CRPPA: variants seen among roughly 807,000 people sequenced by gnomAD.
CRPPA encodes the protein D-ribitol-5-phosphate cytidylyltransferase.
A neutral mutation model predicts 52.0 loss-of-function variants in CRPPA; 43 were observed. The observed-to-expected ratio is 0.83, with a 90% confidence interval of 0.65 to 1.07. CRPPA has a LOEUF of 1.07. CRPPA is among the 50% of genes least tolerant of loss of function. The pLI is 0.00. For synonymous variants in CRPPA, 250 were observed against 203.5 expected (o/e 1.23, Z -1.94); for missense variants, 629 against 551.7 (o/e 1.14, Z -1.40).
chr7:16,125,565 C>T (rs963889565), intron 9 of CRPPA, among the ~76,000 whole-genome samples: 7 of 152,048 alleles, frequency 4.6e-5, no homozygotes, highest in South Asian at 2.1e-4. Flanking sequence ...ATAGCCAAGA[C>T]ATGGTATACT....
At chr7:16,231,745 G>C (rs1176499118) in intron 8 of CRPPA, among the ~76,000 whole-genome samples, 3 of 152,122 alleles carry the variant, frequency 2.0e-5, no homozygotes, top group Non-Finnish European at 2.9e-5. Flanking sequence ...TCTACCCAAG[G>C]GGGGAGTACT....
chr7:16,126,015 A>T (rs1168791825), intron 9 of CRPPA, among the ~76,000 whole-genome samples: 1 of 152,104 alleles, frequency 6.6e-6, no homozygotes. Context: ...GAGAAATAGA[A>T]AAAAATAAAA....
chr7:16,152,460 G>C (rs903251732), intron 9 of CRPPA, among the ~76,000 whole-genome samples: 1 of 151,910 alleles, frequency 6.6e-6, no homozygotes. Context: ...ACTTCTGTTG[G>C]ACGAATACTT....
chr7:16,419,534 T>C (rs1788277739), intron 1 of CRPPA, among the ~76,000 whole-genome samples: 1 of 152,218 alleles, frequency 6.6e-6, no homozygotes, highest in Non-Finnish European at 1.5e-5. Context: ...TTAGGGGTCA[T>C]GCATCCTCTG....
Position 16,091,625 on chromosome 7 carries a change from AGCGGGG to A in CRPPA, c.*64_*69del. On this transcript the variant is annotated 3_prime_UTR_variant, in exon 10 of 10. Transcript: ENST00000407010. The stretch of plus-strand genomic sequence containing the variant: ...ACTGAAACATTCTACCACACACAGC[AGCGGGG>A]GCACAAAGCACAATTAAGATACGCA... The A allele has an allele frequency of 1.3e-6, 1 of 785,174 alleles. No homozygotes were observed. Among genetic ancestry groups the A allele is most frequent in the African/African-American group, 1.8e-5 (1 of 56,782 alleles). 48.6% of individuals were successfully genotyped at this position (785,174 alleles called of 1,614,324 possible).
At chr7:16,258,592 A>G (rs1200202147) in intron 7 of CRPPA, 110 bp from the exon 8 acceptor site, 2 of 650,290 alleles carry the variant, frequency 3.1e-6, no homozygotes, top group East Asian at 5.9e-5. Flanking sequence ...ATATTTATCA[A>G]ACTTAGTTTT....
At chr7:16,390,179 T>C (rs1001618164) in intron 2 of CRPPA, among the ~76,000 whole-genome samples, 1 of 151,876 alleles carries the variant, frequency 6.6e-6, no homozygotes, top group Admixed American at 6.6e-5. Flanking sequence ...TTTAGTCTTC[T>C]TCTTTCTGTC....
chr7:16,403,136 G>T (rs1336088785), intron 2 of CRPPA, among the ~76,000 whole-genome samples: 1 of 151,592 alleles, frequency 6.6e-6, no homozygotes, highest in South Asian at 2.1e-4. Context: ...AAATAGTGAG[G>T]GGGGGAAAAA....
intron 2 of CRPPA, among the ~76,000 whole-genome samples, chr7:16,381,033 C>G (rs545460451): frequency 1.5e-4 from 23 of 151,436 alleles, no homozygotes; most frequent in African/African-American, 5.3e-4. Flanking sequence ...CTTCTGCTAG[C>G]TTTTGAATGT....
intron 8 of CRPPA, among the ~76,000 whole-genome samples, chr7:16,224,565 G>A (rs1379151382): frequency 1.3e-5 from 2 of 152,064 alleles, no homozygotes; most frequent in African/African-American, 4.8e-5. Context: ...TTCTTATTAT[G>A]AGTTAGAAAG....
At chr7:16,170,249 T>C (rs1445021299) in intron 9 of CRPPA, among the ~76,000 whole-genome samples, 2 of 152,222 alleles carry the variant, frequency 1.3e-5, no homozygotes, top group Non-Finnish European at 2.9e-5. Context: ...TTACACATAA[T>C]TGATCAGCAA....
intron 6 of CRPPA, among the ~76,000 whole-genome samples, chr7:16,262,318 T>C (rs1783832233): frequency 6.6e-6 from 1 of 152,202 alleles, no homozygotes; most frequent in Non-Finnish European, 1.5e-5. Context: ...GCTGCAATTA[T>C]CTTGACTTTT....
At chr7:16,125,374 A>G (rs892037230) in intron 9 of CRPPA, among the ~76,000 whole-genome samples, 1 of 152,106 alleles carries the variant, frequency 6.6e-6, no homozygotes, top group Admixed American at 6.6e-5. Context: ...AGTCATAAAC[A>G]GTACCAAGCA....
intron 2 of CRPPA, among the ~76,000 whole-genome samples, chr7:16,390,065 G>A (rs1259354181): frequency 2.7e-5 from 4 of 150,254 alleles, no homozygotes; most frequent in African/African-American, 4.9e-5. Context: ...TAGTGAAGAA[G>A]TTCAGAAGTT....
intron 9 of CRPPA, among the ~76,000 whole-genome samples, chr7:16,101,961 A>C (rs1212103491): frequency 2.0e-5 from 3 of 152,138 alleles, no homozygotes; most frequent in African/African-American, 7.2e-5. Context: ...AACTACCTTA[A>C]ATTTCATATG....
At chr7:16,205,850 C>G (rs765503315) in intron 9 of CRPPA, among the ~76,000 whole-genome samples, 4 of 150,316 alleles carry the variant, frequency 2.7e-5, no homozygotes, top group Non-Finnish European at 5.9e-5. Context: ...ATCATCAAAA[C>G]ATCTTAAATA....
At chr7:16,357,460 A>G (rs1786330535) in intron 3 of CRPPA, among the ~76,000 whole-genome samples, 1 of 152,128 alleles carries the variant, frequency 6.6e-6, no homozygotes, top group South Asian at 2.1e-4. Flanking sequence ...TATTACAGGC[A>G]TGAGCCACCA....
intron 3 of CRPPA, among the ~76,000 whole-genome samples, chr7:16,316,378 A>C (rs1482120455): frequency 6.6e-6 from 1 of 152,142 alleles, no homozygotes; most frequent in Non-Finnish European, 1.5e-5. Context: ...CTTCTTGCCC[A>C]AAAAAGTTAT....
At chr7:16,248,795 T>C (rs539365097) in intron 8 of CRPPA, among the ~76,000 whole-genome samples, 3 of 152,230 alleles carry the variant, frequency 2.0e-5, no homozygotes, top group South Asian at 4.1e-4. Context: ...GGTCAGGGGA[T>C]TTCCCTTTCC....
Sources: allele counts gnomAD v4.1 joint callset (sites outside exome capture counted in the v4.1 genomes callset), GRCh38; gene constraint gnomAD v4.1.1; transcripts MANE v1.5; gene names NCBI Gene and HGNC (gene_info 2026-07-23, HGNC 2026-07-21).